The following CNKSR1 variants were observed in gnomAD, a reference collection of about 807,000 sequenced individuals.
CNKSR1 encodes the protein connector enhancer of kinase suppressor of Ras 1.
A neutral mutation model predicts 95.6 loss-of-function variants in CNKSR1; 88 were observed. The ratio of observed to expected loss-of-function variants is 0.92; its 90% confidence interval spans 0.78 to 1.10. The LOEUF (loss-of-function observed/expected upper bound fraction) is 1.10, where lower values mean the gene tolerates loss of function less well. Ranked by LOEUF, CNKSR1 falls within the 50% of genes least tolerant of loss-of-function variation. The probability of loss-of-function intolerance (pLI) is 0.00; values close to 1 mark genes in which losing one functional copy is unlikely to be tolerated. For missense variants in CNKSR1, 836 were observed against 912.0 expected, an observed-to-expected ratio of 0.92 and a Z score of 1.07; for synonymous variants, 355 against 369.7, an observed-to-expected ratio of 0.96 and a Z score of 0.46.
chr1:26,181,868 C>T lies in CNKSR1; in HGVS notation c.404C>T (p.Ser135Phe), dbSNP rs138926064. The change falls in exon 4 of 21, where the codon TCC becomes TTC. Residue 135 changes from serine (S) to phenylalanine (F), a missense_variant. By Grantham distance (155) the Ser-to-Phe change is radical (BLOSUM62 -2). Coordinates refer to ENST00000361530, the MANE Select transcript of CNKSR1 (RefSeq NM_006314.3). ...LLFWLSRYLFSHLNDFSACQE... is the reference protein window; with the variant it reads ...LLFWLSRYLFFHLNDFSACQE... ...TCTTCCCCTGCCAGGTACCTCTTCTCCCACTTAAATGATTTCTCAGCATGC... is the reference window on the plus strand; with the variant it reads ...TCTTCCCCTGCCAGGTACCTCTTCTTCCACTTAAATGATTTCTCAGCATGC... 1.2e-5 allele frequency: 19 copies of T among 1,613,992 alleles called. No homozygotes were observed. The highest frequency in any genetic ancestry group is 1.3e-5 in the Non-Finnish European group (15 of 1,179,990).
rs557979516 is a variant in CNKSR1 at position 26,189,031 on chromosome 1, C to T, written c.1872+78C>T. ...TTTGGTTTGCGGCTGTCACCTCCAC[C>T]CTGGGCACCAGACTCCAGACTCCAG... On this transcript the variant is annotated intron_variant, in intron 20 of 20. Coordinates refer to ENST00000361530, the MANE Select transcript of CNKSR1 (RefSeq NM_006314.3). 3.5e-5 allele frequency: 50 copies of T among 1,426,356 alleles called. No homozygotes were observed. In the African/African-American group the frequency reaches 7.8e-4, roughly 22 times the overall value. The allele number at this position is 1,426,356 out of a possible 1,614,324, so 88.4% of individuals were successfully genotyped here.
chr1:26,185,272 T>G (rs769201952), intron 14 of CNKSR1, 86 bp downstream of exon 14: 15 of 1,401,226 alleles, frequency 1.1e-5, no homozygotes, highest in Non-Finnish European at 1.5e-5. Context: ...CCACTCTTAT[T>G]CCTGGTCCAA....
intron 17 of CNKSR1, 21 bp from the exon 18 acceptor site, chr1:26,188,421 C>T (rs2088795010): frequency 6.2e-7 from 1 of 1,605,274 alleles, no homozygotes; most frequent in Non-Finnish European, 8.5e-7. Flanking sequence ...CCCAAAAACC[C>T]ACTGCTGCTC....
Position 26,182,463 on chromosome 1 carries a change from C to T in CNKSR1, c.520-17C>T, listed in dbSNP as rs767687936. On this transcript the variant is annotated splice_polypyrimidine_tract_variant and intron_variant, in intron 5 of 20. Transcript: ENST00000361530. ...GGCGATCGGGCTCAGGCTACATAGCCCGCTCCCCTCCCCCAGTGCAGCCAC... is the reference window on the plus strand; with the variant it reads ...GGCGATCGGGCTCAGGCTACATAGCTCGCTCCCCTCCCCCAGTGCAGCCAC... 2 of 1,613,576 alleles carry T rather than the reference C, an allele frequency of 1.2e-6. No homozygotes were observed. The highest frequency in any genetic ancestry group is 1.1e-5 in the South Asian group (1 of 91,074).
At chr1:26,178,251 CTGT>C (rs1225358451) in intron 1 of CNKSR1, among the ~76,000 whole-genome samples, 6 of 152,150 alleles carry the variant, frequency 3.9e-5, no homozygotes, top group Non-Finnish European at 7.4e-5. Context: ...GGCCAGTGGG[CTGT>C]TGTTAAATCC....
intron 14 of CNKSR1, chr1:26,186,804 T>C (rs2088759053): frequency 3.7e-6 from 1 of 271,258 alleles, no homozygotes; most frequent in African/African-American, 2.2e-5. Context: ...GAAATGGGCT[T>C]TTTTCCCAGT....
At chr1:26,187,620 CTT>C (rs35307485) in intron 16 of CNKSR1, 138 bp downstream of exon 16, 30,853 of 432,356 alleles carry the variant, frequency 0.071, 122 homozygotes, top group East Asian at 0.14. Flanking sequence ...TTCTCTTTCT[CTT>C]TTTTTTTTTT....
chr1:26,183,235 TG>T lies in CNKSR1; in HGVS notation c.664del (p.Val222CysfsTer39). Reference sequence around the variant, plus strand: ...ACACCACCAGCAATTGCCAGCACTTTGTGTCCCAAGTGGACACCCAGGTGAG... The same window carrying T: ...ACACCACCAGCAATTGCCAGCACTTTTGTCCCAAGTGGACACCCAGGTGAG... ...IHTTSNCQHF[V>X]SQVDTQVPTD... On this transcript the variant is annotated frameshift_variant, in exon 7 of 21. Transcript: ENST00000361530. LOFTEE classifies it high-confidence loss of function. 1 of 1,614,044 alleles carries T rather than the reference TG, an allele frequency of 6.2e-7. No homozygotes were observed. Among genetic ancestry groups the T allele is most frequent in the Non-Finnish European group, 8.5e-7 (1 of 1,180,002 alleles).
Position 26,188,522 on chromosome 1 carries a change from G to C in CNKSR1, c.1590+19G>C. 1 of 1,603,628 alleles carries C rather than the reference G, an allele frequency of 6.2e-7. No individual in the cohort carries two copies. The highest frequency in any genetic ancestry group is 8.5e-7 in the Non-Finnish European group (1 of 1,175,452). Reference sequence around the variant, plus strand: ...AGCCTCGGTGAGTGGGGGGCTGCCGGGGGTAGGAGGTGGGGATAAACAACA... The same window carrying C: ...AGCCTCGGTGAGTGGGGGGCTGCCGCGGGTAGGAGGTGGGGATAAACAACA... On this transcript the variant is annotated intron_variant, in intron 18 of 20. Coordinates refer to ENST00000361530, the MANE Select transcript of CNKSR1 (RefSeq NM_006314.3).
chr1:26,181,447 G>C (rs1012620618), intron 3 of CNKSR1: 10 of 255,210 alleles, frequency 3.9e-5, no homozygotes, highest in African/African-American at 2.3e-4. Context: ...CTGTGCACTG[G>C]CTGCTGCTTG....
At chr1:26,189,131 G>C (rs914831107) in intron 20 of CNKSR1, 148 bp from the exon 21 acceptor site, 1 of 1,272,028 alleles carries the variant, frequency 7.9e-7, no homozygotes, top group Non-Finnish European at 1.1e-6. Flanking sequence ...TGGGTTCCGA[G>C]TGGGGATTTG....
At chr1:26,181,641 C>T in intron 3 of CNKSR1, 1 of 575,490 alleles carries the variant, frequency 1.7e-6, no homozygotes, top group South Asian at 1.9e-5. Context: ...TGTCTGTTTC[C>T]CCAGTGCCTA....
rs1356103017 is a variant in CNKSR1, at chr1:26,188,657, C to T, written c.1650C>T (p.Pro550=). Residue 550 remains proline, a synonymous_variant, in exon 19 of 21, where the codon CCC becomes CCT. Transcript: ENST00000361530. ...GAGACACATCACCTGCAGCCACCCC[C>T]ACACAGCGCAGCCCACGGACCTCCT... The part of the protein sequence containing the change: ...LHGDTSPAAT[P]TQRSPRTSFG... The T allele has an allele frequency of 2.5e-6, 4 of 1,613,828 alleles. No homozygotes were observed. The highest frequency in any genetic ancestry group is 1.3e-5 in the African/African-American group (1 of 74,938).
chr1:26,179,705 G>A (rs2088614481), intron 1 of CNKSR1, among the ~76,000 whole-genome samples: 1 of 152,182 alleles, frequency 6.6e-6, no homozygotes, highest in South Asian at 2.1e-4. Context: ...CATTACAGGT[G>A]AGAAAACTGG....
At chr1:26,182,182 C>T in intron 4 of CNKSR1, 179 bp from the exon 5 acceptor site, 1 of 722,790 alleles carries the variant, frequency 1.4e-6, no homozygotes, top group Non-Finnish European at 2.4e-6. Flanking sequence ...TTCTGGGGGC[C>T]TGGTATCAGG....
In CNKSR1 at chr1:26,189,682, C is replaced by G. The variant is rs757022566; in HGVS notation, c.*134C>G. 1.3e-6 allele frequency: 1 copy of G among 770,220 alleles called. No individual in the cohort carries two copies. Among genetic ancestry groups the G allele is most frequent in the East Asian group, 2.4e-5 (1 of 41,006 alleles). The allele number at this position is 770,220 out of a possible 1,614,324, so 47.7% of individuals were successfully genotyped here. On this transcript the variant is annotated 3_prime_UTR_variant, in exon 21 of 21. Transcript: ENST00000361530. Reference sequence around the variant, plus strand: ...AGTACTGCTAGTCATGGTCTCACCCCGAGCTGACCCCTCTGCCTGGGCTTT... The same window carrying G: ...AGTACTGCTAGTCATGGTCTCACCCGGAGCTGACCCCTCTGCCTGGGCTTT...
chr1:26,184,355 G>A (rs868393948), intron 11 of CNKSR1, 46 bp from the exon 12 acceptor site: 1 of 1,606,746 alleles, frequency 6.2e-7, no homozygotes, highest in Non-Finnish European at 8.5e-7. Flanking sequence ...CCCAAGCCTG[G>A]GACTGGGCTC....
chr1:26,182,783 G>A (rs1246921747), intron 6 of CNKSR1, among the ~76,000 whole-genome samples, 199 bp downstream of exon 6: 2 of 152,186 alleles, frequency 1.3e-5, no homozygotes, highest in Non-Finnish European at 2.9e-5. Context: ...GGGGCCACGC[G>A]GGTGTGGCCT....
intron 8 of CNKSR1, 64 bp from the exon 9 acceptor site, chr1:26,183,665 G>A: frequency 8.1e-7 from 1 of 1,230,684 alleles, no homozygotes; most frequent in South Asian, 1.2e-5. Flanking sequence ...ACGAGGGTGA[G>A]AGTTGGTGGT....
Sources: allele counts gnomAD v4.1 joint callset (sites outside exome capture counted in the v4.1 genomes callset), GRCh38; gene constraint gnomAD v4.1.1; transcripts MANE v1.5; gene names NCBI Gene and HGNC (gene_info 2026-07-23, HGNC 2026-07-21).